PLAA: variants seen among roughly 807,000 people sequenced by gnomAD.
The protein encoded by PLAA is phospholipase A2 activating protein, also known as phospholipase A-2-activating protein.
In PLAA, 48 loss-of-function variants were observed where a neutral mutation model predicts 84.1. That is an observed-to-expected ratio of 0.57 (90% CI 0.45 to 0.73). The LOEUF (loss-of-function observed/expected upper bound fraction) is 0.73, where lower values mean the gene tolerates loss of function less well. Ranked by LOEUF, PLAA falls within the 30% of genes least tolerant of loss-of-function variation. PLAA has a pLI of 0.00. For missense variants in PLAA, 903 were observed against 954.7 expected (o/e 0.95, Z 0.71); for synonymous variants, 392 against 336.6 (o/e 1.16, Z -1.80).
At chr9:26,912,381 CA>C (rs1047769852) in intron 11 of PLAA, among the ~76,000 whole-genome samples, 1 of 151,958 alleles carries the variant, frequency 6.6e-6, no homozygotes, top group African/African-American at 2.4e-5. Flanking sequence ...TGGGGCAAGG[CA>C]AAAGAAAAAT....
rs1208565584 is a variant in PLAA at position 26,925,956 on chromosome 9, A to G, written c.738T>C (p.Phe246=). The change falls in exon 6 of 14, where the codon TTT becomes TTC. Residue 246 remains phenylalanine, a synonymous_variant. Coordinates refer to ENST00000397292, the MANE Select transcript of PLAA (RefSeq NM_001031689.3). The part of the protein sequence containing the change: ...SISVFPNCRD[F]VTTAEDRSLR... ...GAGATCTGTCCTCTGCTGTTGTCAC[A>G]AAGTCTAAAATTAATGAATATAGGA... 8 of 1,612,206 alleles carry G rather than the reference A, an allele frequency of 5.0e-6. No individual in the cohort carries two copies. The highest frequency in any genetic ancestry group is 6.8e-6 in the Non-Finnish European group (8 of 1,178,314).
At chr9:26,919,769 A>T (rs190780455) in intron 8 of PLAA, among the ~76,000 whole-genome samples, 1 of 152,190 alleles carries the variant, frequency 6.6e-6, no homozygotes, top group East Asian at 1.9e-4. Flanking sequence ...TTACAACTAC[A>T]TATTAACTCT....
rs1204872771 is a variant in PLAA at position 26,926,363 on chromosome 9, C to T, written c.733+30G>A. The T allele has an allele frequency of 3.4e-6, 5 of 1,458,710 alleles. No homozygotes were observed. In the East Asian group the frequency reaches 9.1e-5, roughly 27 times the overall value. 90.4% of individuals were successfully genotyped at this position (1,458,710 alleles called of 1,614,324 possible). A position where few individuals can be genotyped will look rare whatever the true frequency, so the allele number is the denominator to read the frequency against. On this transcript the variant is annotated intron_variant, in intron 5 of 13. Transcript: ENST00000397292. ...GGATGGAATAATGCTCAATACAAAA[C>T]ATTAAATAAATAGCATAAAATAATC...
chr9:26,930,667 C>T (rs1825154044), intron 2 of PLAA, among the ~76,000 whole-genome samples: 1 of 151,584 alleles, frequency 6.6e-6, no homozygotes, highest in Non-Finnish European at 1.5e-5. Context: ...ACTGCAACCT[C>T]CGCTTCCGAG....
chr9:26,929,063 G>C (rs1225965723), intron 2 of PLAA, among the ~76,000 whole-genome samples: 1 of 152,130 alleles, frequency 6.6e-6, no homozygotes, highest in Non-Finnish European at 1.5e-5. Context: ...GCTGGGTGTG[G>C]CGGTATGCGC....
intron 10 of PLAA, among the ~76,000 whole-genome samples, chr9:26,915,490 T>C (rs1824520186): frequency 6.6e-6 from 1 of 152,190 alleles, no homozygotes; most frequent in Admixed American, 6.5e-5. Context: ...GGGAAATCTT[T>C]TGGCCCCAGT....
intron 9 of PLAA, 71 bp from the exon 10 acceptor site, chr9:26,917,236 G>T: frequency 2.5e-6 from 3 of 1,188,786 alleles, no homozygotes; most frequent in Non-Finnish European, 3.7e-6. Context: ...CACAATGCTT[G>T]TTTTAGAAGA....
intron 9 of PLAA, among the ~76,000 whole-genome samples, chr9:26,917,797 T>C (rs1393839845): frequency 6.6e-6 from 1 of 151,734 alleles, no homozygotes; most frequent in Non-Finnish European, 1.5e-5. Flanking sequence ...AATCAGGTTG[T>C]CCACAAAAAA....
chr9:26,921,261 G>A (rs1226551540), intron 7 of PLAA, among the ~76,000 whole-genome samples: 1 of 152,146 alleles, frequency 6.6e-6, no homozygotes, highest in Non-Finnish European at 1.5e-5. Flanking sequence ...TTCTCAACAA[G>A]GCCTTCAGTG....
In PLAA at chr9:26,905,918, T is replaced by G. The variant is rs758650329; in HGVS notation, c.1981A>C (p.Arg661=). 8.1e-6 allele frequency: 13 copies of G among 1,614,194 alleles called. No homozygotes were observed. The highest frequency in any genetic ancestry group is 1.0e-5 in the Non-Finnish European group (12 of 1,180,034). ...GKPANQLLAL[R]TFCNCFVGQA... is the part of the protein sequence containing the mutation. ...CCAACAAAACAATTGCAAAAAGTCC[T>G]GAGAGCAAGCAGCTGGTTTGCTGGC... The change falls in exon 14 of 14, where the codon AGG becomes CGG. Residue 661 remains arginine, a synonymous_variant. Transcript: ENST00000397292.
intron 12 of PLAA, among the ~76,000 whole-genome samples, chr9:26,910,087 T>C (rs1824354595): frequency 6.6e-6 from 1 of 152,248 alleles, no homozygotes; most frequent in African/African-American, 2.4e-5. Context: ...ATTTACATTT[T>C]CCACCTTTAA....
Position 26,920,288 on chromosome 9 carries a change from T to C in PLAA, c.1136A>G (p.Asp379Gly), listed in dbSNP as rs759222398. Residue 379 changes from aspartate (D) to glycine (G), a missense_variant, in exon 8 of 14, where the codon GAT becomes GGT. Transcript: ENST00000397292. The part of the protein sequence containing the change: ...VSEGRWIKIG[D>G]VVGSSGANQQ... The stretch of plus-strand genomic sequence containing the variant: ...ATTAGCACCAGATGAGCCAACAACA[T>C]CACCAATTTTTATCCACCTCCCTTC... 33 of 1,613,836 alleles carry C rather than the reference T, an allele frequency of 2.0e-5. No homozygotes were observed. Among genetic ancestry groups the C allele is most frequent in the Non-Finnish European group, 2.5e-5 (30 of 1,179,898 alleles).
rs991079529 is a variant in PLAA at position 26,903,490 on chromosome 9, A to G, written c.*2021T>C. On this transcript the variant is annotated 3_prime_UTR_variant, in exon 14 of 14. Coordinates refer to ENST00000397292, the MANE Select transcript of PLAA (RefSeq NM_001031689.3). ...TTTTAATAAAATAAAATACATTTAC[A>G]TACATAGTCACTATGCCACAAGATG... is the stretch of plus-strand genomic sequence containing the variant. Among the ~76,000 whole-genome samples, 51 of 152,238 alleles carry G rather than the reference A, an allele frequency of 3.4e-4. No individual in the cohort carries two copies. Among genetic ancestry groups the G allele is most frequent in the African/African-American group, 1.0e-3 (42 of 41,472 alleles).
chr9:26,909,768 C>T (rs1824342957), intron 12 of PLAA, among the ~76,000 whole-genome samples: 2 of 151,978 alleles, frequency 1.3e-5, no homozygotes, highest in African/African-American at 4.8e-5. Context: ...GGATTACAGG[C>T]GCCCACCACC....
intron 4 of PLAA, among the ~76,000 whole-genome samples, chr9:26,927,561 T>TAATAG (rs1825016257): frequency 6.6e-5 from 10 of 152,282 alleles, no homozygotes; most frequent in Admixed American, 5.2e-4. Context: ...TACAAATAAA[T>TAATAG]CAATGATATT....
intron 1 of PLAA, among the ~76,000 whole-genome samples, chr9:26,942,502 A>G (rs945630305): frequency 6.6e-6 from 1 of 152,234 alleles, no homozygotes; most frequent in African/African-American, 2.4e-5. Context: ...ATGAAAACCA[A>G]AATAAAACAA....
intron 10 of PLAA, chr9:26,915,715 T>G (rs1330293295): frequency 1.0e-6 from 1 of 984,924 alleles, no homozygotes; most frequent in Non-Finnish European, 1.2e-6. Context: ...CTATCTTGCA[T>G]ATCTACATAA....
intron 1 of PLAA, 63 bp downstream of exon 1, chr9:26,946,834 C>G (rs1343100379): frequency 1.0e-5 from 15 of 1,488,484 alleles, no homozygotes; most frequent in Non-Finnish European, 1.3e-5. Flanking sequence ...GGAAGGGTCA[C>G]TCTCCTTCCA....
intron 7 of PLAA, among the ~76,000 whole-genome samples, chr9:26,922,019 C>A (rs7042173): frequency 0.01 from 1,550 of 152,266 alleles, 27 homozygotes; most frequent in African/African-American, 0.036. Context: ...CTGCCAAATA[C>A]CAAAGCCTGA....
Sources: gnomAD v4.1 joint callset for allele counts (sites outside exome capture counted in the v4.1 genomes callset) on GRCh38, gnomAD v4.1.1 for gene constraint, MANE v1.5 for transcripts, NCBI Gene and HGNC (gene_info 2026-07-23, HGNC 2026-07-21) for gene names.